Variants in LRRIQ1 observed in about 807,000 individuals in gnomAD.
The protein encoded by LRRIQ1 is leucine rich repeats and IQ motif containing 1.
LRRIQ1 carries 210 observed loss-of-function variants against 211.9 expected under a neutral mutation model. The observed-to-expected ratio is 0.99, with a 90% CI of 0.89 to 1.11. The LOEUF (loss-of-function observed/expected upper bound fraction) is 1.11. Ranked by LOEUF, LRRIQ1 falls within the 50% of genes most tolerant of loss-of-function variation. The pLI, the probability that LRRIQ1 is intolerant of heterozygous loss-of-function variation, is 0.00. For synonymous variants in LRRIQ1, 699 were observed against 650.1 expected (o/e 1.08, Z -1.14); for missense variants, 2,136 against 1,939.5 (o/e 1.10, Z -1.90).
rs2136534160 is a variant in LRRIQ1 at position 85,135,771 on chromosome 12, T to C, written c.4210-2079T>C. ...AATTTAGTAGTCTTTAAAATTGTCC[T>C]TGCTTTCTAATGTGACACAATGTTC... On this transcript the variant is annotated intron_variant, in intron 18 of 26. Transcript: ENST00000393217. Among the ~76,000 whole-genome samples the C allele has an allele frequency of 2.0e-5, 3 of 152,152 alleles. No homozygotes were observed. The South Asian group carries it at 6.2e-4, about 31-fold the overall frequency.
downstream of LRRIQ1, among the ~76,000 whole-genome samples, chr12:85,248,136 T>C (rs772727196): frequency 3.3e-5 from 5 of 151,656 alleles, no homozygotes. Flanking sequence ...TGCATTGCAA[T>C]ATATAATAAT....
Position 85,124,477 on chromosome 12 carries a change from C to A in LRRIQ1, c.3965C>A (p.Ser1322Tyr), listed in dbSNP as rs141671586. 1.1e-4 allele frequency: 181 copies of A among 1,613,184 alleles called. No homozygotes were observed. The highest frequency in any genetic ancestry group is 9.9e-4 in the Middle Eastern group (6 of 6,082). ...IPFKEVVMTN[S>Y]LLRNHQNIEP... is the part of the protein sequence containing the mutation. Reference sequence around the variant, plus strand: ...TTTAAGGAAGTAGTAATGACAAATTCTTTGCTGAGGAATCACCAAAATATT... The same window carrying A: ...TTTAAGGAAGTAGTAATGACAAATTATTTGCTGAGGAATCACCAAAATATT... The change falls in exon 17 of 27, where the codon TCT (serine) becomes TAT (tyrosine). Residue 1322 changes from serine to tyrosine, a missense_variant. Coordinates refer to ENST00000393217, the MANE Select transcript of LRRIQ1 (RefSeq NM_001079910.2).
At chr12:85,125,168 G>T (rs1888291302) in intron 17 of LRRIQ1, among the ~76,000 whole-genome samples, 1 of 151,996 alleles carries the variant, frequency 6.6e-6, no homozygotes, top group South Asian at 2.1e-4. Flanking sequence ...GACAGAGCGA[G>T]ACTCCATCTC....
intron 25 of LRRIQ1, among the ~76,000 whole-genome samples, chr12:85,230,564 A>G (rs536070231): frequency 3.3e-5 from 5 of 152,280 alleles, no homozygotes; most frequent in African/African-American, 1.2e-4. Context: ...AGGGGTTAGA[A>G]CTTCAATATA....
intron 26 of LRRIQ1, among the ~76,000 whole-genome samples, chr12:85,243,505 A>G (rs894239347): frequency 6.6e-6 from 1 of 150,898 alleles, no homozygotes; most frequent in African/African-American, 2.4e-5. Flanking sequence ...TTGACATTAT[A>G]CAATGGTTTA....
intron 17 of LRRIQ1, among the ~76,000 whole-genome samples, chr12:85,127,435 T>C (rs1888445436): frequency 6.6e-6 from 1 of 152,054 alleles, no homozygotes; most frequent in Non-Finnish European, 1.5e-5. Flanking sequence ...GAAGGTAATT[T>C]CTCCACAAGG....
chr12:85,193,059 AATATT>A (rs1230127464), intron 24 of LRRIQ1, among the ~76,000 whole-genome samples: 78 of 113,044 alleles, frequency 6.9e-4, no homozygotes, highest in Non-Finnish European at 1.0e-3. Context: ...ATATAATATA[AATATT>A]ATATTATATT....
intron 26 of LRRIQ1, among the ~76,000 whole-genome samples, chr12:85,241,170 G>A (rs920216675): frequency 6.6e-6 from 1 of 152,000 alleles, no homozygotes; most frequent in Non-Finnish European, 1.5e-5. Context: ...GGCATGCTGG[G>A]TGTAGGGTGC....
intron 24 of LRRIQ1, among the ~76,000 whole-genome samples, chr12:85,228,090 A>T (rs1198789682): frequency 6.6e-6 from 1 of 152,208 alleles, no homozygotes; most frequent in Non-Finnish European, 1.5e-5. Flanking sequence ...CCTTGGCAAT[A>T]CCATTCAGGA....
At chr12:85,039,297 A>G (rs1426711281) in intron 2 of LRRIQ1, among the ~76,000 whole-genome samples, 2 of 151,462 alleles carry the variant, frequency 1.3e-5, no homozygotes, top group Admixed American at 6.6e-5. Flanking sequence ...CAGTGTAAGT[A>G]TTATTACCAG....
intron 15 of LRRIQ1, among the ~76,000 whole-genome samples, chr12:85,109,077 C>T (rs1886985276): frequency 6.6e-6 from 1 of 152,010 alleles, no homozygotes; most frequent in Non-Finnish European, 1.5e-5. Flanking sequence ...CCAGGAAGAT[C>T]CTGGATCTGA....
chr12:85,182,564 A>T (rs1176703206), intron 24 of LRRIQ1, among the ~76,000 whole-genome samples: 1 of 150,052 alleles, frequency 6.7e-6, no homozygotes, highest in Admixed American at 6.6e-5. Context: ...AAATGCTTTA[A>T]AAAATTATAT....
chr12:85,173,024 G>T lies in LRRIQ1; in HGVS notation c.4822+12310G>T, dbSNP rs549198488. 2.0e-5 allele frequency among the ~76,000 whole-genome samples: 3 copies of T among 152,102 alleles called. 1 individual carries two copies. The South Asian group carries it at 6.2e-4, about 32-fold the overall frequency. On this transcript the variant is annotated intron_variant, in intron 24 of 26. Coordinates refer to ENST00000393217, the MANE Select transcript of LRRIQ1 (RefSeq NM_001079910.2). ...CTCGGGAGGCTGAGGTAGGAGAATCGCTTGAACCTGGGAGGCAGAGGTTGC... is the reference window on the plus strand; with the variant it reads ...CTCGGGAGGCTGAGGTAGGAGAATCTCTTGAACCTGGGAGGCAGAGGTTGC...
At chr12:85,044,593 A>G in intron 3 of LRRIQ1, 125 bp from the exon 4 acceptor site, 1 of 418,308 alleles carries the variant, frequency 2.4e-6, no homozygotes, top group Non-Finnish European at 4.4e-6. Flanking sequence ...ATTCTGAGTT[A>G]CTCTTACTGA....
intron 11 of LRRIQ1, among the ~76,000 whole-genome samples, chr12:85,083,859 A>G (rs1410418893): frequency 6.6e-6 from 1 of 152,178 alleles, no homozygotes; most frequent in Non-Finnish European, 1.5e-5. Flanking sequence ...AGCCTTCCAG[A>G]TTGTTTTCTG....
rs1565930400 is a variant in LRRIQ1 at position 85,254,697 on chromosome 12, A to G, written c.122-8218A>G. On this transcript the variant is annotated intron_variant, in intron 1 of 1. Transcript: ENST00000602731. ...TATTTCTGATGTATTTTCCTCAGAC[A>G]CCATCTTAGAGAAAATGTCATTTAG... is the stretch of plus-strand genomic sequence containing the variant. 2.0e-5 allele frequency among the ~76,000 whole-genome samples: 3 copies of G among 152,086 alleles called. No homozygotes were observed. The South Asian group carries it at 6.2e-4, about 31-fold the overall frequency.
At chr12:85,242,083 G>T (rs2137260230) in intron 26 of LRRIQ1, among the ~76,000 whole-genome samples, 1 of 152,016 alleles carries the variant, frequency 6.6e-6, no homozygotes, top group Non-Finnish European at 1.5e-5. Flanking sequence ...AGACCTAAAA[G>T]AATTTTGCAA....
chr12:85,248,684 A>T (rs116298106), downstream of LRRIQ1, among the ~76,000 whole-genome samples: 2,540 of 151,866 alleles, frequency 0.017, 81 homozygotes, highest in African/African-American at 0.059. Context: ...TGTGACAGAA[A>T]ACATTGTTCA....
rs138658361 is a variant in LRRIQ1, at chr12:85,180,866, G to A, written c.4822+20152G>A. 4.1e-3 allele frequency among the ~76,000 whole-genome samples: 620 copies of A among 151,874 alleles called. 2 individuals are homozygous for A. Among genetic ancestry groups the A allele is most frequent in the African/African-American group, 0.014 (590 of 41,500 alleles). ...TAAAATATGGTGTGTTTGTGTGTGT[G>A]TGTGTTGGGGAAATTTATTATTCTG... On this transcript the variant is annotated intron_variant, in intron 24 of 26. Coordinates refer to ENST00000393217, the MANE Select transcript of LRRIQ1 (RefSeq NM_001079910.2).
Sources: allele counts gnomAD v4.1 joint callset (sites outside exome capture counted in the v4.1 genomes callset), GRCh38; gene constraint gnomAD v4.1.1; transcripts MANE v1.5; gene names NCBI Gene and HGNC (gene_info 2026-07-23, HGNC 2026-07-21).